PUDP: variants seen among roughly 807,000 people sequenced by gnomAD.
PUDP encodes pseudouridine 5'-phosphatase.
In PUDP, 8 loss-of-function variants were observed where a neutral mutation model predicts 9.4. That is an observed-to-expected ratio of 0.85 (90% CI 0.50 to 1.53). The LOEUF is 1.53. Among genes scored for constraint, PUDP ranks in the 40% most tolerant of loss-of-function variants. PUDP has a pLI of 0.00. For synonymous variants in PUDP, 99 were observed against 80.7 expected (o/e 1.23, Z -1.22); for missense variants, 188 against 189.7 (o/e 0.99, Z 0.05).
At chrX:7,125,257 C>A (rs1213464895) in intron 1 of PUDP, among the ~76,000 whole-genome samples, 1 of 111,474 alleles carries the variant, frequency 9.0e-6, no homozygotes, top group African/African-American at 3.3e-5. Flanking sequence ...TACTATTAAT[C>A]ATTTTTTTTC....
At chrX:7,000,677 A>G (rs1043538494) in intron 1 of PUDP, among the ~76,000 whole-genome samples, 7 of 109,239 alleles carry the variant, frequency 6.4e-5, no homozygotes, top group African/African-American at 2.3e-4. Context: ...CACCACAGAA[A>G]AACCTATAAT....
At chrX:6,849,431 G>A (rs1306111249) in intron 3 of PUDP, among the ~76,000 whole-genome samples, 2 of 111,453 alleles carry the variant, frequency 1.8e-5, no homozygotes, top group Middle Eastern at 4.2e-3. Context: ...AGACCTCTAC[G>A]TGGACACTCT....
intron 3 of PUDP, among the ~76,000 whole-genome samples, chrX:6,777,058 G>T (rs1448683560): frequency 8.0e-5 from 9 of 112,208 alleles, no homozygotes; most frequent in African/African-American, 2.9e-4. Flanking sequence ...CACAAACAAG[G>T]AAGACAATAT....
At chrX:7,108,245 CACTG>C (rs1336727196) in intron 1 of PUDP, among the ~76,000 whole-genome samples, 1 of 112,578 alleles carries the variant, frequency 8.9e-6, no homozygotes, top group African/African-American at 3.2e-5. Flanking sequence ...GGACTGGGCT[CACTG>C]ACTGCTTTGG....
At chrX:6,762,555 T>C (rs1353021413) in intron 3 of PUDP, among the ~76,000 whole-genome samples, 2 of 111,983 alleles carry the variant, frequency 1.8e-5, no homozygotes, top group African/African-American at 6.5e-5. Flanking sequence ...AGGAAATGAG[T>C]GAAGGATTTC....
chrX:6,905,605 G>A (rs1034723681), intron 3 of PUDP, among the ~76,000 whole-genome samples: 13 of 111,254 alleles, frequency 1.2e-4, no homozygotes, highest in African/African-American at 4.3e-4. Context: ...CCTCCCCCAT[G>A]ATCCAGTCAC....
chrX:6,861,059 G>A (rs1926994307), intron 3 of PUDP, among the ~76,000 whole-genome samples: 1 of 112,226 alleles, frequency 8.9e-6, no homozygotes, highest in South Asian at 3.7e-4. Flanking sequence ...AGTCATATTT[G>A]CATATGCAGA....
At chrX:6,838,422 G>A (rs983837304) in intron 3 of PUDP, among the ~76,000 whole-genome samples, 1 of 112,265 alleles carries the variant, frequency 8.9e-6, no homozygotes, top group African/African-American at 3.2e-5. Flanking sequence ...GAGAGACTTA[G>A]GCTAGAGTCA....
At chrX:7,068,037 C>T (rs998039211) in intron 3 of PUDP, among the ~76,000 whole-genome samples, 3 of 111,444 alleles carry the variant, frequency 2.7e-5, no homozygotes, top group African/African-American at 9.8e-5. Context: ...ACTGTGAGTC[C>T]GTTAAACCTC....
At chrX:6,874,732 G>A (rs1020296422) in intron 3 of PUDP, among the ~76,000 whole-genome samples, 1 of 112,257 alleles carries the variant, frequency 8.9e-6, no homozygotes, top group African/African-American at 3.2e-5. Context: ...AGTTTCCCAC[G>A]GTGTTCTCTC....
At chrX:7,111,040 T>A (rs1238325291) in intron 1 of PUDP, among the ~76,000 whole-genome samples, 1 of 110,248 alleles carries the variant, frequency 9.1e-6, no homozygotes, top group African/African-American at 3.3e-5. Flanking sequence ...GGGAGGGAGG[T>A]GATTGGATCG....
At position 6,751,006 on chromosome X, in the gene PUDP, G is replaced by A. The variant is rs771732915; in HGVS notation, c.*248-44540C>T. Among the ~76,000 whole-genome samples the A allele has an allele frequency of 8.2e-5, 9 of 110,156 alleles. No individual in the cohort carries two copies. In the East Asian group the frequency reaches 1.4e-3, roughly 17 times the overall value. ...TACAAAAGGAAATTAGCCGGGTGTG[G>A]TGGTGGGCGCCTGTAGTCCCAGCTA... On this transcript the variant is annotated intron_variant and NMD_transcript_variant, in intron 3 of 3. Transcript: ENST00000655425.
chrX:6,964,091 T>C (rs1385257762), intron 3 of PUDP, among the ~76,000 whole-genome samples: 1 of 112,384 alleles, frequency 8.9e-6, no homozygotes, highest in Admixed American at 9.5e-5. Flanking sequence ...ATCTTTATTA[T>C]AGGCAACACG....
Position 6,801,715 on chromosome X carries a change from A to T in PUDP, c.*248-95249T>A, listed in dbSNP as rs748730232. Among the ~76,000 whole-genome samples the T allele has an allele frequency of 3.2e-3, 364 of 112,025 alleles. 4 individuals are homozygous for T. The highest frequency in any genetic ancestry group is 3.0e-3 in the Non-Finnish European group (162 of 53,266). ...TTTCTAAAAAGAAGAAACCCCAGTT[A>T]GAATAATTCCCCATTGCTGCTTAAC... On this transcript the variant is annotated intron_variant and NMD_transcript_variant, in intron 3 of 3. Coordinates refer to the PUDP transcript ENST00000655425.
chrX:6,895,478 A>G (rs970869241), intron 3 of PUDP, among the ~76,000 whole-genome samples: 2 of 108,546 alleles, frequency 1.8e-5, no homozygotes, highest in Non-Finnish European at 3.8e-5. Flanking sequence ...TATACATAAT[A>G]CTAATATGTT....
intron 3 of PUDP, among the ~76,000 whole-genome samples, chrX:6,946,582 C>T (rs1373475141): frequency 8.9e-6 from 1 of 112,181 alleles, no homozygotes; most frequent in Admixed American, 9.5e-5. Flanking sequence ...CTGACAACAA[C>T]TTTATTGCCC....
chrX:6,725,046 G>T (rs1414526106), upstream of PUDP, among the ~76,000 whole-genome samples: 1 of 111,524 alleles, frequency 9.0e-6, no homozygotes, highest in Non-Finnish European at 1.9e-5. Context: ...GTCTGTAAAC[G>T]CTTCCTCTTG....
chrX:6,891,929 A>T (rs1361287242), intron 3 of PUDP, among the ~76,000 whole-genome samples: 1 of 112,016 alleles, frequency 8.9e-6, no homozygotes, highest in Non-Finnish European at 1.9e-5. Flanking sequence ...CAGTTTGGAC[A>T]GATCCCATGG....
intron 3 of PUDP, among the ~76,000 whole-genome samples, chrX:6,870,283 T>C (rs958963272): frequency 1.8e-5 from 2 of 112,038 alleles, no homozygotes; most frequent in Admixed American, 1.9e-4. Context: ...GAACTGTTCA[T>C]ATGGTTTTGC....
Sources: allele counts gnomAD v4.1 joint callset (sites outside exome capture counted in the v4.1 genomes callset), GRCh38; gene constraint gnomAD v4.1.1; transcripts MANE v1.5; gene names NCBI Gene and HGNC (gene_info 2026-07-23, HGNC 2026-07-21).